Variants in CTTN observed in about 807,000 individuals in gnomAD.
CTTN encodes the protein cortactin, also known as src substrate cortactin.
CTTN carries 28 observed loss-of-function variants against 84.0 expected under a neutral mutation model. The ratio of observed to expected loss-of-function variants is 0.33; its 90% confidence interval spans 0.25 to 0.46. CTTN has a LOEUF of 0.46. CTTN is among the 20% of genes least tolerant of loss of function. CTTN has a pLI of 1.00. For missense variants in CTTN, 641 were observed against 723.8 expected (o/e 0.89, Z 1.31); for synonymous variants, 301 against 288.8 (o/e 1.04, Z -0.43).
At chr11:70,422,877 C>T (rs368637463) in intron 11 of CTTN, 63 bp from the exon 12 acceptor site, 1 of 1,611,540 alleles carries the variant, frequency 6.2e-7, no homozygotes, top group Admixed American at 1.7e-5. Flanking sequence ...TCTGCATGCA[C>T]CCACGGCCAC....
At position 70,414,669 on chromosome 11, in the gene CTTN, T is replaced by TGG. The variant is rs752148460; in HGVS notation, c.402+19_402+20dup. On this transcript the variant is annotated intron_variant, in intron 6 of 17. Transcript: ENST00000301843. ...GTTGATCAGGTGAGTGATGTGGCAC[T>TGG]GGGACTGGGGCAGGTTGGGGCAAGG... 1 of 1,594,188 alleles carries TGG rather than the reference T, an allele frequency of 6.3e-7. No individual in the cohort carries two copies. The highest frequency in any genetic ancestry group is 1.1e-5 in the South Asian group (1 of 90,652).
In CTTN at chr11:70,407,505, C is replaced by G; in HGVS notation, c.88-13C>G. On this transcript the variant is annotated splice_polypyrimidine_tract_variant and intron_variant, in intron 3 of 17. Coordinates refer to ENST00000301843, the MANE Select transcript of CTTN (RefSeq NM_005231.4). ...TCCAGGCTGTGAGATTTACTGGTCG[C>G]TTTTCTTTTCAGAATGATGTGAGTG... The G allele has an allele frequency of 6.2e-7, 1 of 1,614,020 alleles. No homozygotes were observed. The highest frequency in any genetic ancestry group is 8.5e-7 in the Non-Finnish European group (1 of 1,179,994).
intron 11 of CTTN, 177 bp from the exon 12 acceptor site, chr11:70,422,761 TCA>T (rs1491552598): frequency 6.8e-7 from 1 of 1,464,416 alleles, no homozygotes; most frequent in Admixed American, 2.2e-5. Context: ...TGCCTGTGTC[TCA>T]CGACCATGGG....
Position 70,435,090 on chromosome 11 carries a change from CG to C in CTTN, c.1583del (p.Gly528AlafsTer63). The C allele has an allele frequency of 6.2e-7, 1 of 1,613,950 alleles. No individual in the cohort carries two copies. The highest frequency in any genetic ancestry group is 8.5e-7 in the Non-Finnish European group (1 of 1,180,012). ...IITNIEMIDDGWWRGVCKGRY... is the reference protein window; with the variant it reads ...IITNIEMIDDXWWRGVCKGRY... ...TCACCAACATCGAGATGATTGACGA[CG>C]GCTGGTGGCGCGGGGTGTGCAAGGG... is the stretch of plus-strand genomic sequence containing the variant. On this transcript the variant is annotated frameshift_variant, in exon 18 of 18. Transcript: ENST00000301843. LOFTEE classifies it high-confidence loss of function.
rs1366962797 is a variant in CTTN at position 70,435,933 on chromosome 11, C to T, written c.*771C>T. ...GGTCTCTGGATTGGGACGCACAGTG[C>T]AGTTGAGGTCTGCGTCGGGCTTGGC... On this transcript the variant is annotated 3_prime_UTR_variant, in exon 18 of 18. Transcript: ENST00000301843. 9.0e-6 allele frequency: 13 copies of T among 1,447,622 alleles called. No homozygotes were observed. The African/African-American group carries it at 1.1e-4, about 13-fold the overall frequency. 89.7% of individuals were successfully genotyped at this position (1,447,622 alleles called of 1,614,324 possible). A position where few individuals can be genotyped will look rare whatever the true frequency, so the allele number is the denominator to read the frequency against.
chr11:70,421,002 A>G (rs2058230013), intron 10 of CTTN, among the ~76,000 whole-genome samples: 1 of 152,170 alleles, frequency 6.6e-6, no homozygotes, highest in Non-Finnish European at 1.5e-5. Flanking sequence ...TTCTTGTTGG[A>G]ATGGGTGCCC....
Position 70,435,678 on chromosome 11 carries a change from A to T in CTTN, c.*516A>T. ...GTTAACCCGGAGCTAAGTCACCCAGAGCACAGGAGCTGCCATGTCAGATGG... is the reference window on the plus strand; with the variant it reads ...GTTAACCCGGAGCTAAGTCACCCAGTGCACAGGAGCTGCCATGTCAGATGG... On this transcript the variant is annotated 3_prime_UTR_variant, in exon 18 of 18. Coordinates refer to ENST00000301843, the MANE Select transcript of CTTN (RefSeq NM_005231.4). The T allele has an allele frequency of 6.3e-7, 1 of 1,597,466 alleles. No individual in the cohort carries two copies. Among genetic ancestry groups the T allele is most frequent in the Non-Finnish European group, 8.5e-7 (1 of 1,179,476 alleles).
intron 11 of CTTN, chr11:70,422,394 T>C: frequency 1.3e-6 from 1 of 785,682 alleles, no homozygotes; most frequent in South Asian, 1.5e-5. Flanking sequence ...TGGCAGTGGC[T>C]CTCCGTGGCA....
chr11:70,427,938 A>G (rs913962773), intron 13 of CTTN, among the ~76,000 whole-genome samples: 13 of 152,200 alleles, frequency 8.5e-5, no homozygotes, highest in Non-Finnish European at 1.9e-4. Context: ...TCTTGACACA[A>G]TAGGCTTAGT....
chr11:70,399,812 C>T (rs1414307530), intron 1 of CTTN, among the ~76,000 whole-genome samples: 2 of 152,188 alleles, frequency 1.3e-5, no homozygotes, highest in African/African-American at 4.8e-5. Context: ...CATGCGCTCC[C>T]TTTGGGCTCA....
chr11:70,430,071 G>A (rs1378505303), intron 14 of CTTN, among the ~76,000 whole-genome samples: 2 of 152,208 alleles, frequency 1.3e-5, no homozygotes, highest in African/African-American at 4.8e-5. Context: ...GTCAAGCAAG[G>A]CCATAGATGC....
At chr11:70,421,418 A>G (rs2135579582) in intron 10 of CTTN, 52 bp from the exon 11 acceptor site, 1 of 1,313,748 alleles carries the variant, frequency 7.6e-7, no homozygotes, top group African/African-American at 1.4e-5. Context: ...TTCTAACCCA[A>G]CTGTGTTTCC....
At position 70,407,560 on chromosome 11, in the gene CTTN, G is replaced by T; in HGVS notation, c.130G>T (p.Val44Leu). 1.2e-6 allele frequency: 2 copies of T among 1,613,904 alleles called. No homozygotes were observed. The highest frequency in any genetic ancestry group is 1.7e-6 in the Non-Finnish European group (2 of 1,180,026). The change falls in exon 4 of 18, where the codon GTG becomes TTG. Residue 44 changes from valine to leucine, a missense_variant. By Grantham distance (32) the Val-to-Leu change is conservative. This residue lies in a region of CTTN where 284 missense variants were observed against 348.4 expected (regional missense o/e 0.82). Coordinates refer to ENST00000301843, the MANE Select transcript of CTTN (RefSeq NM_005231.4). The stretch of plus-strand genomic sequence containing the variant: ...GGAGCAAAGATGGGGTGCCAAGACG[G>T]TGCAGGGCTCCGGGCACCAGGAGCA... ...EKEQRWGAKT[V>L]QGSGHQEHIN...
rs765200388 is a variant in CTTN at position 70,436,396 on chromosome 11, G to A, written c.*1234G>A. 5.5e-5 allele frequency: 88 copies of A among 1,598,232 alleles called. 2 individuals are homozygous for A. The Admixed American group carries it at 8.7e-4, about 16-fold the overall frequency. ...GGAAATGTCTCGGGACTTGGGTCCC[G>A]GAGTGCCCGTGAAGCGTGTTTTTGC... On this transcript the variant is annotated 3_prime_UTR_variant, in exon 18 of 18. Coordinates refer to ENST00000301843, the MANE Select transcript of CTTN (RefSeq NM_005231.4).
intron 11 of CTTN, chr11:70,422,691 C>G: frequency 7.0e-7 from 1 of 1,437,202 alleles, no homozygotes; most frequent in East Asian, 3.0e-5. Context: ...CCCCTCCTGC[C>G]CCTCCTGCCC....
intron 1 of CTTN, among the ~76,000 whole-genome samples, chr11:70,403,598 T>A (rs945090183): frequency 6.6e-6 from 1 of 152,194 alleles, no homozygotes; most frequent in Admixed American, 6.5e-5. Flanking sequence ...ATTTATTTTT[T>A]TCCTCTAGTG....
chr11:70,425,750 C>G (rs768973443), intron 13 of CTTN, among the ~76,000 whole-genome samples: 32 of 152,176 alleles, frequency 2.1e-4, no homozygotes, highest in Non-Finnish European at 4.3e-4. Context: ...GCCGCTCGGT[C>G]GCAGCTGTGA....
intron 4 of CTTN, among the ~76,000 whole-genome samples, chr11:70,409,404 G>A (rs2058076220): frequency 6.6e-6 from 1 of 152,180 alleles, no homozygotes. Flanking sequence ...AAGTACAGAC[G>A]AATCATCTGA....
intron 9 of CTTN, 197 bp from the exon 10 acceptor site, chr11:70,420,203 G>T: frequency 1.6e-6 from 1 of 611,568 alleles, no homozygotes; most frequent in Admixed American, 2.8e-5. Context: ...CGATGCTGAG[G>T]TCATAGACTA....
Sources: gnomAD v4.1 joint callset for allele counts (sites outside exome capture counted in the v4.1 genomes callset) on GRCh38, gnomAD v4.1.1 for gene constraint, gnomAD v4.1.1 regional missense constraint, MANE v1.5 for transcripts, NCBI Gene and HGNC (gene_info 2026-07-23, HGNC 2026-07-21) for gene names.